The following DSTYK variants were observed in gnomAD, a reference collection of about 807,000 sequenced individuals.
DSTYK encodes the protein RIP-homologous kinase.
A neutral mutation model predicts 98.7 loss-of-function variants in DSTYK; 34 were observed. The observed-to-expected ratio is 0.34, with a 90% CI of 0.26 to 0.46. The LOEUF is 0.46. DSTYK is among the 20% of genes least tolerant of loss of function. The pLI, the probability that DSTYK is intolerant of heterozygous loss-of-function variation, is 1.00. For synonymous variants in DSTYK, 462 were observed against 457.3 expected, an observed-to-expected ratio of 1.01 and a Z score of -0.13; for missense variants, 962 against 1,181.7, an observed-to-expected ratio of 0.81 and a Z score of 2.73.
At chr1:205,155,343 A>C (rs1291796858) in intron 10 of DSTYK, among the ~76,000 whole-genome samples, 2 of 151,984 alleles carry the variant, frequency 1.3e-5, no homozygotes, top group Non-Finnish European at 2.9e-5. Flanking sequence ...TAGTTTGAAA[A>C]ATTTGCAGCC....
chr1:205,155,614 C>A (rs143558859), intron 10 of DSTYK, among the ~76,000 whole-genome samples: 1 of 150,900 alleles, frequency 6.6e-6, no homozygotes, highest in Admixed American at 6.6e-5. Context: ...GTTGAGATTG[C>A]GCCACTGCAC....
Position 205,159,579 on chromosome 1 carries a change from G to A in DSTYK, c.2206C>T (p.Arg736Trp), listed in dbSNP as rs150778354. ...CCTGTGTAGAGATCCCGGTGTAGCCGCTCCATAATGAGGAGCACAGCAATG... is the reference window on the plus strand; with the variant it reads ...CCTGTGTAGAGATCCCGGTGTAGCCACTCCATAATGAGGAGCACAGCAATG... Reference protein sequence around the residue: ...SSIAVLLIMERLHRDLYTGLK... With the variant: ...SSIAVLLIMEWLHRDLYTGLK... The change falls in exon 9 of 13, where the codon CGG becomes TGG. Residue 736 changes from arginine (R) to tryptophan (W), a missense_variant. Arg to Trp is a moderately radical substitution (Grantham distance 101). Around this residue, in one of 4 missense-constraint regions of DSTYK, gnomAD observed 660 missense variants for 855.0 expected, o/e 0.77. Transcript: ENST00000367162. 313 of 1,577,896 alleles carry A rather than the reference G, an allele frequency of 2.0e-4. No homozygotes were observed. The highest frequency in any genetic ancestry group is 2.5e-4 in the Non-Finnish European group (288 of 1,161,078).
chr1:205,174,862 C>T (rs1396645562), intron 2 of DSTYK, among the ~76,000 whole-genome samples: 4 of 148,512 alleles, frequency 2.7e-5, no homozygotes, highest in Admixed American at 6.7e-5. Context: ...CTCAGCGTCT[C>T]GAGTAGCTGG....
intron 2 of DSTYK, chr1:205,173,067 T>C (rs1658114691): frequency 6.6e-6 from 1 of 152,006 alleles, no homozygotes; most frequent in Non-Finnish European, 1.5e-5. Flanking sequence ...TAATCACATA[T>C]AACAATGAGA....
intron 10 of DSTYK, among the ~76,000 whole-genome samples, chr1:205,155,669 T>A (rs7541409): frequency 0.91 from 138,001 of 151,786 alleles, 62,844 homozygotes; most frequent in East Asian, 1. Flanking sequence ...AAAAAATTTT[T>A]AAAAAAAAGA....
chr1:205,170,819 T>G (rs1558610296), intron 2 of DSTYK, among the ~76,000 whole-genome samples: 1 of 152,120 alleles, frequency 6.6e-6, no homozygotes, highest in Non-Finnish European at 1.5e-5. Context: ...CCAGGAAATA[T>G]GTCCTTTGGC....
intron 2 of DSTYK, among the ~76,000 whole-genome samples, chr1:205,176,610 T>C (rs1658241339): frequency 6.6e-6 from 1 of 151,832 alleles, no homozygotes; most frequent in Non-Finnish European, 1.5e-5. Context: ...TTTTATTTAT[T>C]TTTAAATTTT....
At chr1:205,196,042 C>G (rs1477753769) in intron 1 of DSTYK, among the ~76,000 whole-genome samples, 1 of 152,140 alleles carries the variant, frequency 6.6e-6, no homozygotes, top group Non-Finnish European at 1.5e-5. Context: ...ACCAATGATC[C>G]AAAGGTGGGA....
chr1:205,161,895 T>C (rs1657731641), intron 6 of DSTYK, 141 bp downstream of exon 6: 1 of 656,706 alleles, frequency 1.5e-6, no homozygotes, highest in Admixed American at 3.8e-5. Flanking sequence ...TGTGTGTGTG[T>C]GTATATATAT....
chr1:205,178,151 C>T (rs1216578547), intron 2 of DSTYK, among the ~76,000 whole-genome samples: 4 of 152,236 alleles, frequency 2.6e-5, no homozygotes, highest in Middle Eastern at 3.4e-3. Context: ...CCATAGAAAG[C>T]ATGAGACAAT....
Position 205,157,365 on chromosome 1 carries a change from G to GT in DSTYK, c.2259dup (p.Arg754ThrfsTer24). ...ACCACATCTAGTGCTATCTGCAAAC[G>GT]TGTCTCCAGGGTCAGCCCAGCCTTG... is the stretch of plus-strand genomic sequence containing the variant. On this transcript the variant is annotated frameshift_variant, in exon 10 of 13. Transcript: ENST00000367162. LOFTEE classifies it high-confidence loss of function. The GT allele has an allele frequency of 6.2e-7, 1 of 1,614,126 alleles. No individual in the cohort carries two copies. Among genetic ancestry groups the GT allele is most frequent in the Non-Finnish European group, 8.5e-7 (1 of 1,180,004 alleles).
intron 1 of DSTYK, 48 bp downstream of exon 1, chr1:205,211,223 T>TC (rs777439047): frequency 6.5e-7 from 1 of 1,537,868 alleles, no homozygotes; most frequent in Non-Finnish European, 8.7e-7. Flanking sequence ...CGGTCCGTCC[T>TC]CCGATTTGCC....
intron 9 of DSTYK, among the ~76,000 whole-genome samples, chr1:205,157,761 C>CAAAA (rs11404936): frequency 9.3e-6 from 1 of 108,030 alleles, no homozygotes. Context: ...GACTCTGTCT[C>CAAAA]AAAAAAAAAA....
At chr1:205,163,618 C>T in intron 4 of DSTYK, 105 bp downstream of exon 4, 1 of 942,480 alleles carries the variant, frequency 1.1e-6, no homozygotes, top group Non-Finnish European at 1.6e-6. Flanking sequence ...ACAAGATTCG[C>T]AAGAAGCTGA....
chr1:205,159,642 CA>C lies in DSTYK; in HGVS notation c.2142del (p.His714GlnfsTer32), dbSNP rs1257180141. 1 of 1,613,748 alleles carries C rather than the reference CA, an allele frequency of 6.2e-7. No individual in the cohort carries two copies. The highest frequency in any genetic ancestry group is 2.2e-5 in the East Asian group (1 of 44,860). On this transcript the variant is annotated frameshift_variant, in exon 9 of 13. Transcript: ENST00000367162. LOFTEE classifies it high-confidence loss of function. ...CCATAGTTGTAGTCAATGACTGAACCATGGAGATCCACCAATCGCTCATGCT... is the reference window on the plus strand; with the variant it reads ...CCATAGTTGTAGTCAATGACTGAACCTGGAGATCCACCAATCGCTCATGCT... ...LPKHERLVDL[H>X]GSVIDYNYGG... is the part of the protein sequence containing the mutation.
intron 2 of DSTYK, among the ~76,000 whole-genome samples, chr1:205,170,397 A>G (rs1414958997): frequency 2.6e-5 from 4 of 152,190 alleles, no homozygotes; most frequent in Non-Finnish European, 5.9e-5. Flanking sequence ...AAGGTTCAAC[A>G]TATTTATAAT....
chr1:205,204,417 G>A (rs958995113), intron 1 of DSTYK, among the ~76,000 whole-genome samples: 4 of 150,914 alleles, frequency 2.7e-5, no homozygotes, highest in African/African-American at 9.7e-5. Context: ...ATTCTTCTGC[G>A]AACCCCATGT....
chr1:205,162,011 T>C, intron 6 of DSTYK, 25 bp downstream of exon 6: 2 of 1,604,782 alleles, frequency 1.2e-6, no homozygotes, highest in Non-Finnish European at 1.7e-6. Context: ...TTGATCCAGC[T>C]GTATCTCCTT....
chr1:205,178,756 T>G (rs1472707589), intron 2 of DSTYK, among the ~76,000 whole-genome samples: 1 of 152,166 alleles, frequency 6.6e-6, no homozygotes, highest in Non-Finnish European at 1.5e-5. Flanking sequence ...CAAAGGCAGG[T>G]GGAAATGGGC....
Sources: gnomAD v4.1 joint callset for allele counts (sites outside exome capture counted in the v4.1 genomes callset) on GRCh38, gnomAD v4.1.1 for gene constraint, gnomAD v4.1.1 regional missense constraint, MANE v1.5 for transcripts, NCBI Gene and HGNC (gene_info 2026-07-23, HGNC 2026-07-21) for gene names.